The following ITSN2 variants were observed in gnomAD, a reference collection of about 807,000 sequenced individuals.
ITSN2 encodes intersectin 2.
A neutral mutation model predicts 243.7 loss-of-function variants in ITSN2; 156 were observed. The ratio of observed to expected loss-of-function variants is 0.64; its 90% CI spans 0.56 to 0.73. The LOEUF (loss-of-function observed/expected upper bound fraction) is 0.73, where lower values mean the gene tolerates loss of function less well. Among genes scored for constraint, ITSN2 ranks in the 30% least tolerant of loss-of-function variants. ITSN2 has a pLI of 0.00. For synonymous variants in ITSN2, 703 were observed against 699.9 expected, an observed-to-expected ratio of 1.00 and a Z score of -0.07; for missense variants, 1,801 against 1,996.1, an observed-to-expected ratio of 0.90 and a Z score of 1.86.
intron 18 of ITSN2, among the ~76,000 whole-genome samples, chr2:24,273,135 C>A (rs1317177350): frequency 2.0e-5 from 3 of 152,124 alleles, no homozygotes; most frequent in Non-Finnish European, 4.4e-5. Context: ...TCTCGAAATC[C>A]TGGATAATTC....
chr2:24,339,889 T>C (rs1220446345), intron 1 of ITSN2, among the ~76,000 whole-genome samples: 1 of 152,020 alleles, frequency 6.6e-6, no homozygotes, highest in African/African-American at 2.4e-5. Flanking sequence ...TAGTTGGGCA[T>C]GGTGGCACAC....
chr2:24,204,242 T>A lies in ITSN2; in HGVS notation c.4936+3A>T, dbSNP rs1408793011. ...TTAGATCCCCTGGCTGAGCGACACT[T>A]ACCATCTGGTGAAAACTGGTCTCTG... On this transcript the variant is annotated splice_donor_region_variant and intron_variant, in intron 39 of 39. Coordinates refer to ENST00000355123, the MANE Select transcript of ITSN2 (RefSeq NM_006277.3). The surrounding 1 kb of genome is among the most constrained non-coding windows in gnomAD (Gnocchi z 5.1). The A allele has an allele frequency of 6.2e-7, 1 of 1,613,720 alleles. No individual in the cohort carries two copies. The highest frequency in any genetic ancestry group is 8.5e-7 in the Non-Finnish European group (1 of 1,179,958).
At chr2:24,230,551 T>G (rs553515634) in intron 29 of ITSN2, among the ~76,000 whole-genome samples, 1 of 152,252 alleles carries the variant, frequency 6.6e-6, no homozygotes, top group East Asian at 1.9e-4. Flanking sequence ...GTGGATCACC[T>G]GAGGTCAAGA....
chr2:24,257,793 ATTG>A, intron 23 of ITSN2, 92 bp downstream of exon 23: 1 of 997,988 alleles, frequency 1.0e-6, no homozygotes, highest in Non-Finnish European at 1.6e-6. Context: ...CAAGTATAAA[ATTG>A]TTATTTTATT....
At chr2:24,322,399 C>G (rs540203030) in intron 2 of ITSN2, among the ~76,000 whole-genome samples, 24 of 152,288 alleles carry the variant, frequency 1.6e-4, no homozygotes, top group African/African-American at 5.5e-4. Flanking sequence ...GAGTCTTAAA[C>G]TATCTGTCTT....
rs1558492967 is a variant in ITSN2 at position 24,252,522 on chromosome 2, C to A, written c.2954-11G>T. 3 of 1,584,134 alleles carry A rather than the reference C, an allele frequency of 1.9e-6. No individual in the cohort carries two copies. The highest frequency in any genetic ancestry group is 1.8e-5 in the Admixed American group (1 of 56,114). On this transcript the variant is annotated splice_polypyrimidine_tract_variant and intron_variant, in intron 24 of 39. Coordinates refer to ENST00000355123, the MANE Select transcript of ITSN2 (RefSeq NM_006277.3). ...AAAGTGCAATATATTCTGTAGGGAA[C>A]AAAGCAAAAAGAAGTAGATTCTGGT...
intron 1 of ITSN2, among the ~76,000 whole-genome samples, chr2:24,357,234 C>T (rs186641828): frequency 6.6e-6 from 1 of 152,086 alleles, no homozygotes. Context: ...CCCAAATGCC[C>T]GTCAATGATA....
intron 18 of ITSN2, 116 bp from the exon 19 acceptor site, chr2:24,272,057 CA>C (rs1677426831): frequency 8.7e-6 from 7 of 802,062 alleles, no homozygotes; most frequent in South Asian, 2.2e-5. Context: ...AGTATTAGTA[CA>C]GGGGTGGGGA....
In ITSN2 at chr2:24,253,183, TTTTC is replaced by T. The variant is rs1266473021; in HGVS notation, c.2954-676_2954-673del. On this transcript the variant is annotated intron_variant, in intron 24 of 39. Coordinates refer to ENST00000355123, the MANE Select transcript of ITSN2 (RefSeq NM_006277.3). ...GTTGGTGACTTGGTTTTCTAAGTCT[TTTTC>T]TTTCTTTCTAGTTTTATTTATATTT... Among the ~76,000 whole-genome samples, 4 of 152,242 alleles carry T rather than the reference TTTTC, an allele frequency of 2.6e-5. 1 individual carries two copies. Among genetic ancestry groups the T allele is most frequent in the African/African-American group, 9.6e-5 (4 of 41,464 alleles).
At position 24,283,057 on chromosome 2, in the gene ITSN2, CT is replaced by C. The variant is rs568592951; in HGVS notation, c.1944+1705del. 1.5e-3 allele frequency among the ~76,000 whole-genome samples: 222 copies of C among 149,432 alleles called. 1 individual carries two copies. Among genetic ancestry groups the C allele is most frequent in the Non-Finnish European group, 2.7e-3 (184 of 67,050 alleles). On this transcript the variant is annotated intron_variant, in intron 17 of 39. Transcript: ENST00000355123. ...AAAAGATTTTCCTTTGACCCCCATG[CT>C]TTTTTCTTTTCATTCTAAGAGTTGT...
intron 29 of ITSN2, among the ~76,000 whole-genome samples, chr2:24,242,908 G>A (rs1672902929): frequency 6.6e-6 from 1 of 152,078 alleles, no homozygotes; most frequent in Non-Finnish European, 1.5e-5. Flanking sequence ...CAAGGTAATA[G>A]GTAAGTTACT....
At chr2:24,263,964 A>T (rs1197512503) in intron 20 of ITSN2, among the ~76,000 whole-genome samples, 1 of 152,216 alleles carries the variant, frequency 6.6e-6, no homozygotes, top group Non-Finnish European at 1.5e-5. Flanking sequence ...TAACTTTTTT[A>T]ACAATGGCTT....
chr2:24,236,743 C>T (rs1672203561), intron 29 of ITSN2, among the ~76,000 whole-genome samples: 1 of 148,916 alleles, frequency 6.7e-6, no homozygotes. Flanking sequence ...GATCTCAGCT[C>T]ACTGCAGCCT....
chr2:24,234,796 C>T (rs556803640), intron 29 of ITSN2, among the ~76,000 whole-genome samples: 1 of 152,128 alleles, frequency 6.6e-6, no homozygotes, highest in Non-Finnish European at 1.5e-5. Context: ...AAATGAGATA[C>T]CACTACACAC....
At chr2:24,210,656 G>A (rs1669387813) in intron 34 of ITSN2, 124 bp downstream of exon 34, 1 of 741,526 alleles carries the variant, frequency 1.3e-6, no homozygotes, top group Non-Finnish European at 2.1e-6. Flanking sequence ...GCCTTTGCAG[G>A]GGCAGGGTGG....
chr2:24,259,669 C>T (rs1675553121), intron 22 of ITSN2, among the ~76,000 whole-genome samples: 1 of 152,168 alleles, frequency 6.6e-6, no homozygotes, highest in African/African-American at 2.4e-5. Flanking sequence ...TGGTGACTTT[C>T]CCCAAATTGT....
At chr2:24,358,063 G>T (rs1256760914) in intron 1 of ITSN2, among the ~76,000 whole-genome samples, 3 of 152,134 alleles carry the variant, frequency 2.0e-5, no homozygotes, top group Non-Finnish European at 4.4e-5. Context: ...ACAGGCGCAC[G>T]CCACCATGCC....
At chr2:24,251,154 G>A (rs927587168) in intron 25 of ITSN2, among the ~76,000 whole-genome samples, 6 of 149,534 alleles carry the variant, frequency 4.0e-5, no homozygotes, top group South Asian at 2.1e-4. Context: ...GTAAAACCCC[G>A]CCTCCACTAA....
intron 11 of ITSN2, among the ~76,000 whole-genome samples, chr2:24,300,932 A>C (rs1681643205): frequency 6.6e-6 from 1 of 152,196 alleles, no homozygotes. Flanking sequence ...GATGTCTATA[A>C]TCCTGTCAAA....
Sources: gnomAD v4.1 joint callset for allele counts (sites outside exome capture counted in the v4.1 genomes callset) on GRCh38, gnomAD v4.1.1 for gene constraint, Gnocchi (gnomAD v3.1) non-coding constraint, MANE v1.5 for transcripts, NCBI Gene and HGNC (gene_info 2026-07-23, HGNC 2026-07-21) for gene names.